The following VAV2 variants were observed in gnomAD, a reference collection of about 807,000 sequenced individuals.
VAV2 encodes the protein guanine nucleotide exchange factor VAV2.
Under a neutral mutation model 132.5 loss-of-function variants are expected in VAV2, and 67 were observed. That is an observed-to-expected ratio of 0.51 (90% CI 0.42 to 0.62). The LOEUF is 0.62. VAV2 is among the 20% of genes least tolerant of loss of function. VAV2 has a pLI of 0.00. For synonymous variants in VAV2, 492 were observed against 443.5 expected (o/e 1.11, Z -1.37); for missense variants, 938 against 1,153.6 (o/e 0.81, Z 2.71).
intron 1 of VAV2, among the ~76,000 whole-genome samples, chr9:133,970,881 C>A (rs1842309370): frequency 6.6e-6 from 1 of 152,254 alleles, no homozygotes; most frequent in Admixed American, 6.5e-5. Flanking sequence ...CCCTGGTTAA[C>A]AGATGTTTCG....
intron 2 of VAV2, among the ~76,000 whole-genome samples, chr9:133,914,899 C>T (rs890315979): frequency 6.7e-6 from 1 of 149,438 alleles, no homozygotes; most frequent in East Asian, 2.0e-4. Context: ...AGGTTTGGGA[C>T]TTTGGAACAG....
At chr9:133,972,987 C>T (rs567679085) in intron 1 of VAV2, among the ~76,000 whole-genome samples, 2 of 152,190 alleles carry the variant, frequency 1.3e-5, no homozygotes, top group East Asian at 1.9e-4. Context: ...GGGTGGGAGG[C>T]GGAGGAGGAG....
intron 1 of VAV2, among the ~76,000 whole-genome samples, chr9:133,989,763 T>C (rs1842960363): frequency 6.6e-6 from 1 of 152,150 alleles, no homozygotes; most frequent in Non-Finnish European, 1.5e-5. Flanking sequence ...TCCCAACCCC[T>C]GTGTGCAGCC....
At chr9:133,944,304 C>A (rs554203378) in intron 1 of VAV2, among the ~76,000 whole-genome samples, 4 of 152,250 alleles carry the variant, frequency 2.6e-5, no homozygotes, top group Admixed American at 2.6e-4. Flanking sequence ...ACAGGACAGG[C>A]CTGCCTCGCC....
intron 2 of VAV2, among the ~76,000 whole-genome samples, chr9:133,914,786 AGAG>A (rs1840010568): frequency 2.3e-5 from 1 of 43,080 alleles, no homozygotes. Context: ...ACGGGAGGGG[AGAG>A]GAGGAGGAGA....
At chr9:133,812,666 C>T (rs1221453787) in intron 4 of VAV2, among the ~76,000 whole-genome samples, 1 of 152,190 alleles carries the variant, frequency 6.6e-6, no homozygotes, top group Non-Finnish European at 1.5e-5. Flanking sequence ...TCCGGCTCAG[C>T]CCTGGCTCTT....
At chr9:133,867,084 C>G (rs7048218) in intron 2 of VAV2, among the ~76,000 whole-genome samples, 14,459 of 152,198 alleles carry the variant, frequency 0.095, 1,496 homozygotes, top group African/African-American at 0.26. Context: ...CACGCCCCTG[C>G]AGGGGACACA....
chr9:133,895,530 C>T (rs942698541), intron 2 of VAV2, among the ~76,000 whole-genome samples: 7 of 152,318 alleles, frequency 4.6e-5, no homozygotes, highest in Admixed American at 4.6e-4. Context: ...AACGTGCCAG[C>T]GGGTGCCAGC....
At position 133,877,568 on chromosome 9, in the gene VAV2, C is replaced by T. The variant is rs1838311303; in HGVS notation, c.322-16136G>A. Among the ~76,000 whole-genome samples the T allele has an allele frequency of 2.0e-5, 3 of 152,208 alleles. No individual in the cohort carries two copies. In the South Asian group the frequency reaches 6.2e-4, roughly 32 times the overall value. The stretch of plus-strand genomic sequence containing the variant: ...AACTGAGGGTCAGAGTGGTCACCTG[C>T]ACACATCAGCTAGATGGTCTGATGC... On this transcript the variant is annotated intron_variant, in intron 2 of 29. Coordinates refer to ENST00000371850, the MANE Select transcript of VAV2 (RefSeq NM_001134398.2).
At chr9:133,920,954 G>C (rs999715513) in intron 2 of VAV2, among the ~76,000 whole-genome samples, 1 of 152,246 alleles carries the variant, frequency 6.6e-6, no homozygotes, top group African/African-American at 2.4e-5. Flanking sequence ...GGGGGGCCCT[G>C]CTATCGTGCG....
chr9:133,930,354 C>CATCCACA (rs1840636337), intron 2 of VAV2, among the ~76,000 whole-genome samples: 4 of 24,368 alleles, frequency 1.6e-4, no homozygotes, highest in African/African-American at 2.9e-4. Flanking sequence ...TGCCTCCTGG[C>CATCCACA]CTCTTCACTA....
At chr9:133,800,795 C>A (rs1366597933) in intron 9 of VAV2, among the ~76,000 whole-genome samples, 1 of 152,230 alleles carries the variant, frequency 6.6e-6, no homozygotes, top group African/African-American at 2.4e-5. Flanking sequence ...ACACCATGCT[C>A]TACCGGGAAC....
intron 1 of VAV2, among the ~76,000 whole-genome samples, chr9:133,954,425 T>C (rs1306503561): frequency 6.6e-6 from 1 of 152,236 alleles, no homozygotes; most frequent in East Asian, 1.9e-4. Flanking sequence ...TTCAAGGAGC[T>C]TTCTCGCCTG....
intron 2 of VAV2, among the ~76,000 whole-genome samples, chr9:133,898,758 T>G (rs563094826): frequency 6.6e-6 from 1 of 151,136 alleles, no homozygotes; most frequent in African/African-American, 2.4e-5. Context: ...TCCTGGCAGG[T>G]TCCCCTGGTC....
chr9:133,805,967 C>G, intron 9 of VAV2, 114 bp downstream of exon 9: 1 of 1,132,454 alleles, frequency 8.8e-7, no homozygotes, highest in Non-Finnish European at 1.2e-6. Context: ...CCAGAGGGGG[C>G]GGCCCCTGCC....
intron 3 of VAV2, among the ~76,000 whole-genome samples, chr9:133,849,018 G>C (rs1837063074): frequency 1.3e-5 from 2 of 152,220 alleles, no homozygotes; most frequent in South Asian, 4.1e-4. Context: ...CTCTGAAAAT[G>C]AGCCGATAAT....
At chr9:133,841,785 C>T (rs142113376) in intron 3 of VAV2, among the ~76,000 whole-genome samples, 6 of 152,262 alleles carry the variant, frequency 3.9e-5, no homozygotes, top group Non-Finnish European at 7.4e-5. Context: ...GAATGGGGGC[C>T]GGTAGTAGCA....
intron 26 of VAV2, among the ~76,000 whole-genome samples, chr9:133,771,538 G>A (rs1047571413): frequency 6.6e-6 from 1 of 152,228 alleles, no homozygotes; most frequent in African/African-American, 2.4e-5. Context: ...ACTGCATTCT[G>A]GCTGGGACAG....
In VAV2 at chr9:133,886,303, C is replaced by A. The variant is rs1838705890; in HGVS notation, c.322-24871G>T. Among the ~76,000 whole-genome samples, 3 of 152,208 alleles carry A rather than the reference C, an allele frequency of 2.0e-5. No homozygotes were observed. The South Asian group carries it at 6.2e-4, about 31-fold the overall frequency. On this transcript the variant is annotated intron_variant, in intron 2 of 29. Coordinates refer to ENST00000371850, the MANE Select transcript of VAV2 (RefSeq NM_001134398.2). The stretch of plus-strand genomic sequence containing the variant: ...CGGCCCAGAGGCATCTGAGCAGTGG[C>A]CACAAAGCCTCCATCCTGGAGGAGG...
Sources: gnomAD v4.1 joint callset for allele counts (sites outside exome capture counted in the v4.1 genomes callset) on GRCh38, gnomAD v4.1.1 for gene constraint, MANE v1.5 for transcripts, NCBI Gene and HGNC (gene_info 2026-07-23, HGNC 2026-07-21) for gene names.